The following PTPRD variants were observed in gnomAD, a reference collection of about 807,000 sequenced individuals.
The protein encoded by PTPRD is protein tyrosine phosphatase receptor type D.
A neutral mutation model predicts 214.5 loss-of-function variants in PTPRD; 34 were observed. The ratio of observed to expected loss-of-function variants is 0.16; its 90% confidence interval spans 0.12 to 0.21. The LOEUF (loss-of-function observed/expected upper bound fraction) is 0.21, where lower values mean the gene tolerates loss of function less well. PTPRD is among the 10% of genes least tolerant of loss of function. The probability of loss-of-function intolerance (pLI) is 1.00; values close to 1 mark genes in which losing one functional copy is unlikely to be tolerated. For synonymous variants in PTPRD, 1,128 were observed against 845.7 expected (o/e 1.33, Z -5.79); for missense variants, 2,545 against 2,398.7 (o/e 1.06, Z -1.27).
chr9:8,398,935 A>G (rs192365550), intron 36 of PTPRD, among the ~76,000 whole-genome samples: 1 of 152,010 alleles, frequency 6.6e-6, no homozygotes, highest in Non-Finnish European at 1.5e-5. Context: ...TAAGCTTTTT[A>G]AAAAAAATCA....
At chr9:9,471,270 A>G (rs142811928) in intron 8 of PTPRD, among the ~76,000 whole-genome samples, 268 of 152,292 alleles carry the variant, frequency 1.8e-3, no homozygotes, top group African/African-American at 6.1e-3. Flanking sequence ...CACATTTGAT[A>G]TTTCTATGAA....
intron 8 of PTPRD, among the ~76,000 whole-genome samples, chr9:9,399,054 A>G (rs1281906734): frequency 1.4e-5 from 2 of 147,064 alleles, no homozygotes; most frequent in African/African-American, 5.0e-5. Flanking sequence ...TTGGCAAACA[A>G]TTTTGTGTAG....
chr9:8,502,238 A>C (rs2097425829), intron 23 of PTPRD, among the ~76,000 whole-genome samples: 1 of 152,178 alleles, frequency 6.6e-6, no homozygotes, highest in Non-Finnish European at 1.5e-5. Context: ...TTCCTAAAGA[A>C]AAACAAACAA....
At chr9:10,013,131 G>C (rs1209812505) in intron 4 of PTPRD, among the ~76,000 whole-genome samples, 1 of 151,800 alleles carries the variant, frequency 6.6e-6, no homozygotes, top group African/African-American at 2.4e-5. Flanking sequence ...TATGTTGTGA[G>C]TATACCGAGT....
intron 7 of PTPRD, among the ~76,000 whole-genome samples, chr9:9,633,356 T>C (rs2095654263): frequency 1.3e-5 from 2 of 151,634 alleles, no homozygotes; most frequent in African/African-American, 4.8e-5. Flanking sequence ...AAATTCAAGA[T>C]AACACTTGCT....
chr9:8,950,675 A>G (rs1567196889), intron 11 of PTPRD, among the ~76,000 whole-genome samples: 1 of 151,862 alleles, frequency 6.6e-6, no homozygotes, highest in Non-Finnish European at 1.5e-5. Context: ...CCAGAATCCT[A>G]TACACTATTA....
At chr9:10,508,450 A>G (rs1407813581) in intron 2 of PTPRD, among the ~76,000 whole-genome samples, 1 of 152,220 alleles carries the variant, frequency 6.6e-6, no homozygotes, top group South Asian at 2.1e-4. Context: ...TACTGGGTAT[A>G]TACCCAAAGG....
At chr9:10,125,117 A>G (rs2154251681) in intron 3 of PTPRD, among the ~76,000 whole-genome samples, 1 of 152,336 alleles carries the variant, frequency 6.6e-6, no homozygotes, top group Admixed American at 6.5e-5. Context: ...AAATATGCTG[A>G]TGATTTTCTG....
At chr9:8,940,501 C>G (rs1452366945) in intron 11 of PTPRD, among the ~76,000 whole-genome samples, 12 of 132,014 alleles carry the variant, frequency 9.1e-5, no homozygotes, top group African/African-American at 3.4e-4. Flanking sequence ...CCATGTTGGC[C>G]AGGCTGGTTT....
At chr9:9,188,749 T>C (rs952394328) in intron 9 of PTPRD, among the ~76,000 whole-genome samples, 1 of 151,998 alleles carries the variant, frequency 6.6e-6, no homozygotes, top group African/African-American at 2.4e-5. Context: ...AGACATGGTA[T>C]TCTGTGGAAT....
In PTPRD at chr9:8,811,734, C is replaced by T. The variant is rs1054510434; in HGVS notation, c.-103-77788G>A. ...GAAAAAGTCTAGAAAAGTATCTTTGCCCCCAGAAAAACAACGCAGTCGTAA... is the reference window on the plus strand; with the variant it reads ...GAAAAAGTCTAGAAAAGTATCTTTGTCCCCAGAAAAACAACGCAGTCGTAA... On this transcript the variant is annotated intron_variant, in intron 11 of 45. Transcript: ENST00000381196. Among the ~76,000 whole-genome samples the T allele has an allele frequency of 5.3e-5, 8 of 152,216 alleles. No individual in the cohort carries two copies. The East Asian group carries it at 1.5e-3, about 29-fold the overall frequency.
chr9:10,332,385 T>C (rs1031652162), intron 3 of PTPRD, among the ~76,000 whole-genome samples: 2 of 151,834 alleles, frequency 1.3e-5, no homozygotes, highest in Non-Finnish European at 2.9e-5. Flanking sequence ...CATATATAAA[T>C]GAACTTTCTT....
chr9:8,510,909 CT>C (rs1245468244), intron 21 of PTPRD, among the ~76,000 whole-genome samples: 2 of 152,082 alleles, frequency 1.3e-5, no homozygotes, highest in Non-Finnish European at 2.9e-5. Context: ...CTCTGGAACA[CT>C]TGAGACATGG....
At chr9:9,895,693 A>G (rs1353174922) in intron 5 of PTPRD, among the ~76,000 whole-genome samples, 2 of 152,062 alleles carry the variant, frequency 1.3e-5, no homozygotes, top group African/African-American at 2.4e-5. Context: ...ACTATAGTCA[A>G]CAATATATTC....
chr9:9,971,825 T>A (rs2095118010), intron 4 of PTPRD, among the ~76,000 whole-genome samples: 1 of 152,158 alleles, frequency 6.6e-6, no homozygotes, highest in Non-Finnish European at 1.5e-5. Context: ...TTTTAAACTG[T>A]ATAACTACTT....
intron 8 of PTPRD, among the ~76,000 whole-genome samples, chr9:9,451,257 C>A (rs2092092168): frequency 6.6e-6 from 1 of 151,572 alleles, no homozygotes; most frequent in Admixed American, 6.6e-5. Context: ...TAAGGAACAG[C>A]AACTCAGTAT....
At chr9:9,445,145 T>C (rs1049946238) in intron 8 of PTPRD, among the ~76,000 whole-genome samples, 6 of 152,194 alleles carry the variant, frequency 3.9e-5, no homozygotes, top group African/African-American at 1.4e-4. Context: ...GGTATCAGTT[T>C]TAAACTAGAG....
At chr9:8,359,022 G>A in intron 39 of PTPRD, among the ~76,000 whole-genome samples, 1 of 143,940 alleles carries the variant, frequency 6.9e-6, no homozygotes, top group East Asian at 2.1e-4. Context: ...GCAGGAGAAT[G>A]GCGTGAACCT....
At chr9:8,713,658 G>T (rs1020943344) in intron 12 of PTPRD, 66 of 1,516,392 alleles carry the variant, frequency 4.4e-5, no homozygotes, top group Non-Finnish European at 5.4e-5. Context: ...TGGGCGCCCG[G>T]CACCGCGCCC....
Sources: allele counts gnomAD v4.1 joint callset (sites outside exome capture counted in the v4.1 genomes callset), GRCh38; gene constraint gnomAD v4.1.1; transcripts MANE v1.5; gene names NCBI Gene and HGNC (gene_info 2026-07-23, HGNC 2026-07-21).